Variants in ARHGAP6 observed in about 807,000 individuals in gnomAD.
The protein encoded by ARHGAP6 is rho GTPase-activating protein 6.
A neutral mutation model predicts 55.7 loss-of-function variants in ARHGAP6; 16 were observed. That is an observed-to-expected ratio of 0.29 (90% CI 0.19 to 0.44). The LOEUF (loss-of-function observed/expected upper bound fraction) is 0.44. Among genes scored for constraint, ARHGAP6 ranks in the 20% least tolerant of loss-of-function variants. ARHGAP6 has a pLI of 1.00. For missense variants in ARHGAP6, 698 were observed against 808.9 expected (o/e 0.86, Z 1.66); for synonymous variants, 382 against 360.9 (o/e 1.06, Z -0.66).
intron 2 of ARHGAP6, among the ~76,000 whole-genome samples, chrX:11,227,133 G>A (rs191237842): frequency 4.5e-5 from 5 of 111,835 alleles, no homozygotes; most frequent in South Asian, 7.6e-4. Flanking sequence ...TAGGAAAAGC[G>A]TTTGAAAATA....
intron 1 of ARHGAP6, among the ~76,000 whole-genome samples, chrX:11,324,922 A>T (rs1377190284): frequency 1.8e-5 from 2 of 112,317 alleles, no homozygotes; most frequent in Non-Finnish European, 3.8e-5. Context: ...GCAGTGGCGC[A>T]ATCTCGACTC....
At chrX:11,623,129 G>A (rs1296185382) in intron 1 of ARHGAP6, among the ~76,000 whole-genome samples, 1 of 111,296 alleles carries the variant, frequency 9.0e-6, no homozygotes, top group Non-Finnish European at 1.9e-5. Flanking sequence ...AATTGTCCTT[G>A]TTTGCAGACA....
At chrX:11,194,110 C>T (rs2046499477) in intron 3 of ARHGAP6, among the ~76,000 whole-genome samples, 1 of 112,469 alleles carries the variant, frequency 8.9e-6, no homozygotes. Flanking sequence ...TGGAAAATTG[C>T]TCTAATCTGG....
Position 11,351,407 on chromosome X carries a change from A to G in ARHGAP6, c.589-96700T>C, listed in dbSNP as rs746112578. The G allele has an allele frequency of 1.4e-5, 14 of 968,278 alleles. No individual in the cohort carries two copies. In the African/African-American group the frequency reaches 2.8e-4, roughly 19 times the overall value. The allele number at this position is 968,278 out of a possible 1,213,427, so 79.8% of individuals were successfully genotyped here. On this transcript the variant is annotated intron_variant, in intron 1 of 12. Coordinates refer to ENST00000337414, the MANE Select transcript of ARHGAP6 (RefSeq NM_013427.3). ...TTACAAATATCCTGTACATGAGAACAGTCGACCCAAGTGAGCCAGGCCAGG... is the reference window on the plus strand; with the variant it reads ...TTACAAATATCCTGTACATGAGAACGGTCGACCCAAGTGAGCCAGGCCAGG...
intron 1 of ARHGAP6, among the ~76,000 whole-genome samples, chrX:11,353,866 G>T (rs1383210334): frequency 9.0e-6 from 1 of 110,666 alleles, no homozygotes; most frequent in Non-Finnish European, 1.9e-5. Flanking sequence ...TTCTAGAAAA[G>T]TCACTGCCTA....
chrX:11,518,696 C>T (rs1389155844), intron 1 of ARHGAP6, among the ~76,000 whole-genome samples: 1 of 102,978 alleles, frequency 9.7e-6, no homozygotes, highest in Admixed American at 1.1e-4. Context: ...AGGTTAGTTA[C>T]ATATGTATAC....
In ARHGAP6 at chrX:11,138,740, CTT is replaced by C. The variant is rs1260615770; in HGVS notation, c.*121_*122del. On this transcript the variant is annotated 3_prime_UTR_variant, in exon 13 of 13. Transcript: ENST00000337414. ...ACCTCTGTAGGTGAACTGGATTTCT[CTT>C]GTGTCACTTTTGAGAAGTGTGAAAG... 23 of 794,651 alleles carry C rather than the reference CTT, an allele frequency of 2.9e-5. No individual in the cohort carries two copies. The highest frequency in any genetic ancestry group is 4.1e-5 in the Non-Finnish European group (23 of 564,514). 65.5% of individuals were successfully genotyped at this position (794,651 alleles called of 1,213,427 possible). A position where few individuals can be genotyped will look rare whatever the true frequency, so the allele number is the denominator to read the frequency against.
intron 1 of ARHGAP6, among the ~76,000 whole-genome samples, chrX:11,620,895 C>CT (rs1311681232): frequency 8.9e-6 from 1 of 112,087 alleles, no homozygotes; most frequent in African/African-American, 3.2e-5. Context: ...CAGTGCCCTA[C>CT]TGAGAAAACC....
chrX:11,552,555 C>CATATATATATATATAT (rs59008705), intron 1 of ARHGAP6, among the ~76,000 whole-genome samples: 9 of 12,538 alleles, frequency 7.2e-4, no homozygotes, highest in African/African-American at 9.1e-4. Flanking sequence ...GAAAATGTGC[C>CATATATATATATATAT]ATATATATAT....
chrX:11,223,463 G>C (rs1373990662), intron 2 of ARHGAP6, among the ~76,000 whole-genome samples: 2 of 111,106 alleles, frequency 1.8e-5, no homozygotes, highest in Non-Finnish European at 3.8e-5. Context: ...ATATTATCTA[G>C]AAAGCCAATG....
chrX:11,615,228 T>C (rs10284136), intron 1 of ARHGAP6, among the ~76,000 whole-genome samples: 41,230 of 110,558 alleles, frequency 0.37, 5,929 homozygotes, highest in African/African-American at 0.53. Flanking sequence ...CTGACCTTCC[T>C]GTAAACGTCA....
Position 11,620,951 on chromosome X carries a change from C to T in ARHGAP6, c.588+43290G>A, listed in dbSNP as rs186543528. ...CCTAAAAACCTACAGATTTAAAAGA[C>T]GTCAACACAGCCTCTGTCTAGACAA... On this transcript the variant is annotated intron_variant, in intron 1 of 12. Transcript: ENST00000337414. 3.6e-5 allele frequency among the ~76,000 whole-genome samples: 4 copies of T among 112,356 alleles called. No homozygotes were observed. The East Asian group carries it at 1.1e-3, about 31-fold the overall frequency.
intron 2 of ARHGAP6, among the ~76,000 whole-genome samples, chrX:11,217,681 T>C (rs1018976197): frequency 8.9e-6 from 1 of 112,035 alleles, no homozygotes; most frequent in Admixed American, 9.5e-5. Flanking sequence ...ACTCTGATGA[T>C]AGTTTATTTT....
chrX:11,315,415 C>T (rs978941670), intron 1 of ARHGAP6, among the ~76,000 whole-genome samples: 1 of 112,046 alleles, frequency 8.9e-6, no homozygotes, highest in African/African-American at 3.2e-5. Context: ...TGACGGGCGG[C>T]GGAGCACAGG....
chrX:11,615,285 A>G (rs146211304), intron 1 of ARHGAP6, among the ~76,000 whole-genome samples: 284 of 111,297 alleles, frequency 2.6e-3, no homozygotes, highest in African/African-American at 8.9e-3. Context: ...TCCAAGCACC[A>G]CTTCCATCCA....
At chrX:11,230,141 G>A (rs1488480764) in intron 2 of ARHGAP6, among the ~76,000 whole-genome samples, 5 of 111,894 alleles carry the variant, frequency 4.5e-5, no homozygotes, top group African/African-American at 1.6e-4. Flanking sequence ...ATTCTACAGT[G>A]GAAGGATGAG....
At chrX:11,455,589 A>C (rs946440581) in intron 1 of ARHGAP6, among the ~76,000 whole-genome samples, 2 of 112,441 alleles carry the variant, frequency 1.8e-5, no homozygotes, top group Admixed American at 1.9e-4. Context: ...ATGGCCAATA[A>C]ATCAAGACTT....
intron 2 of ARHGAP6, 146 bp downstream of exon 2, chrX:11,254,402 G>A: frequency 1.3e-6 from 1 of 746,055 alleles, no homozygotes; most frequent in Non-Finnish European, 1.9e-6. Context: ...CCTTCAAATG[G>A]ACACTAATGC....
At chrX:11,607,757 G>A (rs945681214) in intron 1 of ARHGAP6, among the ~76,000 whole-genome samples, 5 of 112,310 alleles carry the variant, frequency 4.5e-5, no homozygotes, top group African/African-American at 1.6e-4. Flanking sequence ...TGACCTTACA[G>A]TCTACTTTAA....
Sources: allele counts gnomAD v4.1 joint callset (sites outside exome capture counted in the v4.1 genomes callset), GRCh38; gene constraint gnomAD v4.1.1; transcripts MANE v1.5; gene names NCBI Gene and HGNC (gene_info 2026-07-23, HGNC 2026-07-21).